NRXN3: variants seen among roughly 807,000 people sequenced by gnomAD.
NRXN3 encodes neurexin III.
A neutral mutation model predicts 137.6 loss-of-function variants in NRXN3; 32 were observed. That is an observed-to-expected ratio of 0.23 (90% CI 0.18 to 0.31). The LOEUF (loss-of-function observed/expected upper bound fraction) is 0.31. NRXN3 is among the 10% of genes least tolerant of loss of function. The pLI is 1.00. For synonymous variants in NRXN3, 798 were observed against 784.5 expected (o/e 1.02, Z -0.29); for missense variants, 1,574 against 2,062.5 (o/e 0.76, Z 4.59).
At chr14:79,085,821 C>T (rs1279802958) in intron 15 of NRXN3, among the ~76,000 whole-genome samples, 4 of 152,104 alleles carry the variant, frequency 2.6e-5, no homozygotes, top group Non-Finnish European at 5.9e-5. Context: ...TTCTAGAAGC[C>T]TCTGAGTATG....
At chr14:79,375,384 CAT>C (rs1193058659) in intron 15 of NRXN3, among the ~76,000 whole-genome samples, 2 of 148,344 alleles carry the variant, frequency 1.3e-5, no homozygotes, top group Non-Finnish European at 3.0e-5. Flanking sequence ...AGGGAAATGA[CAT>C]AGAGAAAATA....
intron 16 of NRXN3, among the ~76,000 whole-genome samples, chr14:79,589,824 CTT>C (rs1381570330): frequency 3.3e-5 from 5 of 152,102 alleles, no homozygotes; most frequent in Non-Finnish European, 5.9e-5. Context: ...ATTGAGCTGA[CTT>C]AAATTTTACT....
intron 17 of NRXN3, among the ~76,000 whole-genome samples, chr14:79,675,159 C>A (rs186312948): frequency 1.1e-3 from 173 of 152,120 alleles, no homozygotes; most frequent in African/African-American, 4.0e-3. Context: ...GACAGGGAAA[C>A]CCTGATATCT....
intron 15 of NRXN3, among the ~76,000 whole-genome samples, chr14:79,134,584 C>G (rs1568391876): frequency 6.6e-6 from 1 of 152,208 alleles, no homozygotes; most frequent in Non-Finnish European, 1.5e-5. Context: ...CATAGAGAAG[C>G]AGCAGCTGCT....
At chr14:79,860,794 A>T (rs1394214899) in intron 20 of NRXN3, among the ~76,000 whole-genome samples, 1 of 152,206 alleles carries the variant, frequency 6.6e-6, no homozygotes, top group East Asian at 1.9e-4. Context: ...ATATAGTTGA[A>T]TTTTATCTAA....
chr14:78,358,527 A>G (rs567882478), intron 4 of NRXN3, among the ~76,000 whole-genome samples: 1 of 152,200 alleles, frequency 6.6e-6, no homozygotes, highest in Non-Finnish European at 1.5e-5. Context: ...CACTAAAAAG[A>G]GATTGGCTTC....
intron 16 of NRXN3, among the ~76,000 whole-genome samples, chr14:79,472,792 G>GA (rs1214269411): frequency 1.3e-5 from 2 of 151,642 alleles, no homozygotes; most frequent in Non-Finnish European, 2.9e-5. Context: ...ATACAACAGG[G>GA]AAAAAAAACT....
chr14:78,616,365 C>T (rs1286685441), intron 4 of NRXN3, among the ~76,000 whole-genome samples: 1 of 152,214 alleles, frequency 6.6e-6, no homozygotes, highest in African/African-American at 2.4e-5. Flanking sequence ...TCCCTCCCCT[C>T]CCAAAGGCTA....
chr14:79,278,396 T>C (rs951868257), intron 15 of NRXN3, among the ~76,000 whole-genome samples: 1 of 152,170 alleles, frequency 6.6e-6, no homozygotes, highest in African/African-American at 2.4e-5. Flanking sequence ...GGCAGAGCCT[T>C]GGGTCAGTCC....
chr14:78,879,686 C>A (rs1427394791), intron 10 of NRXN3, among the ~76,000 whole-genome samples: 1 of 152,176 alleles, frequency 6.6e-6, no homozygotes, highest in African/African-American at 2.4e-5. Context: ...GCTTAATTCC[C>A]TGTCCTAATT....
intron 19 of NRXN3, among the ~76,000 whole-genome samples, chr14:79,712,065 A>AAGAT (rs142254606): frequency 0.019 from 2,843 of 152,320 alleles, 25 homozygotes; most frequent in African/African-American, 0.029. Flanking sequence ...AACGCAGCTG[A>AAGAT]AGATAGATAG....
At chr14:78,244,815 A>G (rs2153454728) in intron 2 of NRXN3, among the ~76,000 whole-genome samples, 1 of 152,348 alleles carries the variant, frequency 6.6e-6, no homozygotes, top group East Asian at 1.9e-4. Context: ...CCAAGCCTCC[A>G]AGGGAGCTGA....
intron 15 of NRXN3, among the ~76,000 whole-genome samples, chr14:79,310,252 G>A (rs1260665829): frequency 8.8e-6 from 1 of 113,612 alleles, no homozygotes; most frequent in Non-Finnish European, 1.7e-5. Context: ...TAGATATGTG[G>A]CATTATTTCT....
intron 15 of NRXN3, among the ~76,000 whole-genome samples, chr14:79,005,763 G>GC (rs2099551172): frequency 2.0e-5 from 3 of 151,478 alleles, no homozygotes; most frequent in Non-Finnish European, 2.9e-5. Flanking sequence ...GTTTATACAT[G>GC]TTTACCTGTG....
intron 15 of NRXN3, among the ~76,000 whole-genome samples, chr14:79,256,172 G>GTCTCTCTCTCTCTC (rs111298626): frequency 6.9e-6 from 1 of 145,400 alleles, no homozygotes; most frequent in African/African-American, 2.5e-5. Context: ...CTCTCTCTCT[G>GTCTCTCTCTCTCTC]TCTCTCTCTC....
intron 15 of NRXN3, among the ~76,000 whole-genome samples, chr14:79,267,254 T>C (rs1011643442): frequency 4.6e-5 from 7 of 152,186 alleles, no homozygotes; most frequent in Non-Finnish European, 5.9e-5. Flanking sequence ...TATTCTCTTA[T>C]ATACAGGTAG....
intron 10 of NRXN3, among the ~76,000 whole-genome samples, chr14:78,914,378 A>G (rs189028803): frequency 6.6e-6 from 1 of 152,354 alleles, no homozygotes; most frequent in African/African-American, 2.4e-5. Context: ...CAGTAAATAC[A>G]TCAGAAATTA....
At chr14:79,126,489 A>T (rs1219253455) in intron 15 of NRXN3, among the ~76,000 whole-genome samples, 1 of 151,986 alleles carries the variant, frequency 6.6e-6, no homozygotes, top group African/African-American at 2.4e-5. Flanking sequence ...CCATGTCCCT[A>T]CAAAGGACAT....
At position 78,714,839 on chromosome 14, in the gene NRXN3, C is replaced by T; in HGVS notation, c.1744C>T (p.Leu582=). The change falls in exon 8 of 21, where the codon CTG becomes TTG. Residue 582 remains leucine (L), a synonymous_variant. Transcript: ENST00000335750. ...CCTGGACCTGGAAGGAGACATGTACCTGGGAGGGCTGCCGGAGAACCGTGC... is the reference window on the plus strand; with the variant it reads ...CCTGGACCTGGAAGGAGACATGTACTTGGGAGGGCTGCCGGAGAACCGTGC... ...EILDLEGDMY[L]GGLPENRAGL... 1 of 1,614,190 alleles carries T rather than the reference C, an allele frequency of 6.2e-7. No homozygotes were observed. The highest frequency in any genetic ancestry group is 2.2e-5 in the East Asian group (1 of 44,872).
Sources: gnomAD v4.1 joint callset for allele counts (sites outside exome capture counted in the v4.1 genomes callset) on GRCh38, gnomAD v4.1.1 for gene constraint, MANE v1.5 for transcripts, NCBI Gene and HGNC (gene_info 2026-07-23, HGNC 2026-07-21) for gene names.